Variants in EYA2 observed in about 807,000 individuals in gnomAD.
EYA2 encodes the protein protein phosphatase EYA2.
A neutral mutation model predicts 69.2 loss-of-function variants in EYA2; 31 were observed. That is an observed-to-expected ratio of 0.45 (90% CI 0.34 to 0.60). The LOEUF (loss-of-function observed/expected upper bound fraction) is 0.60. Ranked by LOEUF, EYA2 falls within the 20% of genes least tolerant of loss-of-function variation. The pLI, the probability that EYA2 is intolerant of heterozygous loss-of-function variation, is 0.02. For missense variants in EYA2, 622 were observed against 701.2 expected, an observed-to-expected ratio of 0.89 and a Z score of 1.28; for synonymous variants, 257 against 279.4, an observed-to-expected ratio of 0.92 and a Z score of 0.80.
intron 9 of EYA2, among the ~76,000 whole-genome samples, chr20:47,138,902 A>G (rs1158271691): frequency 1.3e-5 from 2 of 152,242 alleles, no homozygotes; most frequent in East Asian, 3.8e-4. Flanking sequence ...GTAAGTGCAC[A>G]TGGAAAATAT....
chr20:46,916,997 A>G (rs1183907718), intron 1 of EYA2, among the ~76,000 whole-genome samples: 1 of 152,184 alleles, frequency 6.6e-6, no homozygotes, highest in African/African-American at 2.4e-5. Context: ...TTTAAGGAGG[A>G]AAAAGAGTTC....
At chr20:46,935,665 A>G (rs1448282409) in intron 1 of EYA2, among the ~76,000 whole-genome samples, 2 of 152,092 alleles carry the variant, frequency 1.3e-5, no homozygotes, top group African/African-American at 4.8e-5. Flanking sequence ...TAATATTAGT[A>G]CCTGCTTACA....
intron 1 of EYA2, among the ~76,000 whole-genome samples, chr20:46,955,629 TA>T (rs1568685883): frequency 6.6e-6 from 1 of 152,178 alleles, no homozygotes; most frequent in Non-Finnish European, 1.5e-5. Context: ...TTAATAAATA[TA>T]AAAATCATCC....
chr20:47,126,338 A>T (rs954087621), intron 9 of EYA2, among the ~76,000 whole-genome samples: 1 of 152,174 alleles, frequency 6.6e-6, no homozygotes, highest in Admixed American at 6.5e-5. Context: ...CAAGCCGCCC[A>T]TGCATCCCAA....
intron 11 of EYA2, among the ~76,000 whole-genome samples, chr20:47,170,384 C>T (rs1389375336): frequency 2.6e-5 from 4 of 151,894 alleles, no homozygotes; most frequent in African/African-American, 4.8e-5. Flanking sequence ...TGGTGGCTCA[C>T]GCCTGTAATC....
intron 5 of EYA2, among the ~76,000 whole-genome samples, chr20:47,056,559 C>G (rs965545645): frequency 6.6e-6 from 1 of 152,160 alleles, no homozygotes; most frequent in Non-Finnish European, 1.5e-5. Flanking sequence ...TCTCACAGAA[C>G]CACCACATAA....
In EYA2 at chr20:46,931,465, G is replaced by C. The variant is rs573821832; in HGVS notation, c.-11+36478G>C. Among the ~76,000 whole-genome samples, 14 of 152,298 alleles carry C rather than the reference G, an allele frequency of 9.2e-5. No homozygotes were observed. In the East Asian group the frequency reaches 2.7e-3, roughly 29 times the overall value. On this transcript the variant is annotated intron_variant, in intron 1 of 15. Transcript: ENST00000327619. ...CTTATTATCTCTGAAACCCTGGCATGTTACTTAACCTCTTTGGCTCTCAGT... is the reference window on the plus strand; with the variant it reads ...CTTATTATCTCTGAAACCCTGGCATCTTACTTAACCTCTTTGGCTCTCAGT...
chr20:46,983,236 C>T (rs566507455), intron 1 of EYA2, among the ~76,000 whole-genome samples: 1 of 152,138 alleles, frequency 6.6e-6, no homozygotes, highest in South Asian at 2.1e-4. Context: ...GGTTTTTGAT[C>T]ATTTGGTTTT....
At chr20:47,096,724 C>T (rs1400885634) in intron 8 of EYA2, among the ~76,000 whole-genome samples, 2 of 151,838 alleles carry the variant, frequency 1.3e-5, no homozygotes, top group Admixed American at 6.6e-5. Context: ...AATAGTTGAG[C>T]GTATGGTGAA....
intron 9 of EYA2, among the ~76,000 whole-genome samples, chr20:47,104,890 G>A (rs1443876093): frequency 6.6e-6 from 1 of 152,088 alleles, no homozygotes; most frequent in Non-Finnish European, 1.5e-5. Flanking sequence ...ATGAGATGGT[G>A]CACGTCTGTA....
chr20:46,898,427 C>G (rs1251259289), intron 1 of EYA2, among the ~76,000 whole-genome samples: 1 of 128,770 alleles, frequency 7.8e-6, no homozygotes, highest in African/African-American at 2.6e-5. Context: ...ACACACACCA[C>G]AATTCTTCAC....
intron 1 of EYA2, among the ~76,000 whole-genome samples, chr20:46,942,458 A>G (rs1986197136): frequency 6.6e-6 from 1 of 152,194 alleles, no homozygotes; most frequent in Non-Finnish European, 1.5e-5. Flanking sequence ...AAAGATGGGG[A>G]ATGGGGCAAG....
intron 12 of EYA2, among the ~76,000 whole-genome samples, chr20:47,173,611 G>T (rs957031467): frequency 4.0e-5 from 6 of 150,566 alleles, no homozygotes; most frequent in African/African-American, 1.5e-4. Context: ...TTTGAGACAA[G>T]GTCTTGCTAT....
At chr20:47,187,058 T>TAA (rs34926963) in intron 15 of EYA2, among the ~76,000 whole-genome samples, 4,498 of 149,220 alleles carry the variant, frequency 0.03, 227 homozygotes, top group African/African-American at 0.1. Flanking sequence ...TCTCTAAAAT[T>TAA]AAAAAAAAAA....
At chr20:47,156,457 G>A (rs1449717931) in intron 10 of EYA2, among the ~76,000 whole-genome samples, 1 of 151,790 alleles carries the variant, frequency 6.6e-6, no homozygotes, top group Non-Finnish European at 1.5e-5. Context: ...TGGAAGGGGA[G>A]CATTTCAAGA....
intron 3 of EYA2, among the ~76,000 whole-genome samples, 172 bp downstream of exon 3, chr20:47,001,645 C>G (rs1175669986): frequency 6.6e-6 from 1 of 152,162 alleles, no homozygotes; most frequent in Non-Finnish European, 1.5e-5. Context: ...TGGGCCTGAG[C>G]CCTCCCATCT....
At chr20:47,081,801 GAAAAA>G (rs1177430692) in intron 7 of EYA2, among the ~76,000 whole-genome samples, 2 of 147,988 alleles carry the variant, frequency 1.4e-5, no homozygotes, top group Non-Finnish European at 3.0e-5. Flanking sequence ...AAAGAAGAAA[GAAAAA>G]AAGAGAGAGA....
chr20:47,123,293 T>C (rs1037398823), intron 9 of EYA2, among the ~76,000 whole-genome samples: 4 of 152,206 alleles, frequency 2.6e-5, no homozygotes, highest in Admixed American at 2.6e-4. Flanking sequence ...TCTCATTTCT[T>C]TGTGTTGGGA....
chr20:46,949,154 C>T (rs1978648286), intron 1 of EYA2, among the ~76,000 whole-genome samples: 1 of 152,128 alleles, frequency 6.6e-6, no homozygotes, highest in Non-Finnish European at 1.5e-5. Context: ...TGGGACATGC[C>T]ACCACATACC....
Sources: allele counts gnomAD v4.1 joint callset (sites outside exome capture counted in the v4.1 genomes callset), GRCh38; gene constraint gnomAD v4.1.1; transcripts MANE v1.5; gene names NCBI Gene and HGNC (gene_info 2026-07-23, HGNC 2026-07-21).